MYOF: variants seen among roughly 807,000 people sequenced by gnomAD.
The protein encoded by MYOF is fer-1-like 3, myoferlin.
In MYOF, 244 loss-of-function variants were observed where a neutral mutation model predicts 284.2. The ratio of observed to expected loss-of-function variants is 0.86; its 90% confidence interval spans 0.77 to 0.95. MYOF has a LOEUF of 0.95. Ranked by LOEUF, MYOF falls within the 40% of genes least tolerant of loss-of-function variation. The probability of loss-of-function intolerance (pLI) is 0.00; values close to 1 mark genes in which losing one functional copy is unlikely to be tolerated. For synonymous variants in MYOF, 904 were observed against 919.7 expected (o/e 0.98, Z 0.31); for missense variants, 2,496 against 2,560.6 (o/e 0.97, Z 0.54).
At chr10:93,454,778 G>C (rs958998773) in intron 2 of MYOF, among the ~76,000 whole-genome samples, 14 of 152,038 alleles carry the variant, frequency 9.2e-5, no homozygotes, top group African/African-American at 2.9e-4. Flanking sequence ...AGGAACTCAA[G>C]ACCAGCCTGG....
intron 7 of MYOF, among the ~76,000 whole-genome samples, chr10:93,406,846 G>GAA (rs141353253): frequency 2.0e-5 from 3 of 148,282 alleles, no homozygotes; most frequent in Admixed American, 6.7e-5. Context: ...AAAGAAGTAG[G>GAA]AAAAAAAAAA....
intron 7 of MYOF, among the ~76,000 whole-genome samples, chr10:93,404,641 CAAAAAAAAAAA>C (rs34398757): frequency 3.3e-5 from 2 of 60,916 alleles, no homozygotes; most frequent in Non-Finnish European, 3.8e-5. Flanking sequence ...GAGGCCATCT[CAAAAAAAAAAA>C]AAAAAAAAAA....
chr10:93,344,726 T>TAAAAAAA (rs3081452), intron 37 of MYOF, among the ~76,000 whole-genome samples: 1 of 76,230 alleles, frequency 1.3e-5, no homozygotes, highest in Non-Finnish European at 2.6e-5. Flanking sequence ...GAACTTAAAT[T>TAAAAAAA]AAAAAAAAAA....
At chr10:93,379,255 T>C (rs1438188918) in intron 21 of MYOF, among the ~76,000 whole-genome samples, 1 of 152,202 alleles carries the variant, frequency 6.6e-6, no homozygotes, top group Non-Finnish European at 1.5e-5. Context: ...AGATTTCCAC[T>C]GCAAAGTTCT....
intron 26 of MYOF, among the ~76,000 whole-genome samples, chr10:93,365,007 A>T (rs181304789): frequency 6.6e-6 from 1 of 151,870 alleles, no homozygotes; most frequent in Non-Finnish European, 1.5e-5. Context: ...CAATTTCCCT[A>T]CCCTTTCCCT....
At chr10:93,313,592 C>A (rs947154190) in intron 50 of MYOF, among the ~76,000 whole-genome samples, 5 of 152,062 alleles carry the variant, frequency 3.3e-5, no homozygotes, top group South Asian at 2.1e-4. Context: ...TGGGTAAAGA[C>A]AATAGGTGCT....
Position 93,329,787 on chromosome 10 carries a change from AT to A in MYOF, c.4858del (p.Ile1620PhefsTer15). ...CYLPQEKDLK[I>X]SVYDYDTFTR... ...AAAGGTGTCATAATCATAGACAGAA[AT>A]TTTCAGGTCTTTTTCTTGAGGTAAG... On this transcript the variant is annotated frameshift_variant, in exon 44 of 54. Coordinates refer to ENST00000359263, the MANE Select transcript of MYOF (RefSeq NM_013451.4). LOFTEE classifies it high-confidence loss of function. 1 of 1,614,204 alleles carries A rather than the reference AT, an allele frequency of 6.2e-7. No homozygotes were observed. The highest frequency in any genetic ancestry group is 8.5e-7 in the Non-Finnish European group (1 of 1,180,036).
intron 27 of MYOF, among the ~76,000 whole-genome samples, chr10:93,362,221 T>G (rs1845108253): frequency 6.7e-6 from 1 of 150,122 alleles, no homozygotes; most frequent in Admixed American, 6.7e-5. Context: ...GTGCTGGGAT[T>G]ACAGGCGTGA....
rs1294113190 is a variant in MYOF, at chr10:93,427,214, A to AAC, written c.346-1057_346-1056insGT. Among the ~76,000 whole-genome samples, 210 of 103,626 alleles carry AAC rather than the reference A, an allele frequency of 2.0e-3. 5 individuals are homozygous for AAC. The highest frequency in any genetic ancestry group is 6.8e-3 in the African/African-American group (206 of 30,112). The allele number at this position is 103,626 out of a possible 152,430, so 68.0% of individuals were successfully genotyped here. A position where few individuals can be genotyped will look rare whatever the true frequency, so the allele number is the denominator to read the frequency against. On this transcript the variant is annotated intron_variant, in intron 4 of 53. Transcript: ENST00000359263. ...CTCTGTCTTAAAACAAAACAAAACA[A>AAC]AACAAAAAAAAACAGAGAGAACTTT...
chr10:93,309,751 C>T (rs979398958), intron 53 of MYOF, among the ~76,000 whole-genome samples: 7 of 152,054 alleles, frequency 4.6e-5, no homozygotes, highest in East Asian at 1.9e-4. Context: ...ACACACTGAC[C>T]GAGACCTGAG....
At chr10:93,368,075 C>T (rs1334042154) in intron 25 of MYOF, among the ~76,000 whole-genome samples, 1 of 151,912 alleles carries the variant, frequency 6.6e-6, no homozygotes, top group Admixed American at 6.5e-5. Context: ...CTGCTTTCTC[C>T]AGTTTAGACC....
chr10:93,468,641 A>T (rs1208265678), intron 1 of MYOF, among the ~76,000 whole-genome samples: 1 of 152,238 alleles, frequency 6.6e-6, no homozygotes, highest in Non-Finnish European at 1.5e-5. Flanking sequence ...ATTTAACCTC[A>T]GCTTCAGACC....
At chr10:93,404,517 A>T (rs1365376147) in intron 7 of MYOF, among the ~76,000 whole-genome samples, 1 of 152,114 alleles carries the variant, frequency 6.6e-6, no homozygotes, top group African/African-American at 2.4e-5. Flanking sequence ...TAATGTAAAG[A>T]TCCAAAGCTA....
rs372746129 is a variant in MYOF, at chr10:93,409,565, G to T, written c.600+8C>A. 6.2e-7 allele frequency: 1 copy of T among 1,610,600 alleles called. No individual in the cohort carries two copies. Among genetic ancestry groups the T allele is most frequent in the African/African-American group, 1.3e-5 (1 of 74,812 alleles). On this transcript the variant is annotated splice_region_variant and intron_variant, in intron 6 of 53. Transcript: ENST00000359263. Reference sequence around the variant, plus strand: ...AAACAAAGAAGCAGAACGCCAGGCCGTTGCTACCTGGAAGTCCTGTGGCTT... The same window carrying T: ...AAACAAAGAAGCAGAACGCCAGGCCTTTGCTACCTGGAAGTCCTGTGGCTT...
At chr10:93,428,093 A>G (rs760355863) in intron 4 of MYOF, among the ~76,000 whole-genome samples, 1 of 151,870 alleles carries the variant, frequency 6.6e-6, no homozygotes, top group Non-Finnish European at 1.5e-5. Flanking sequence ...ACACACACAC[A>G]TATGCACACA....
intron 21 of MYOF, among the ~76,000 whole-genome samples, chr10:93,378,575 T>A (rs1845949843): frequency 6.6e-6 from 1 of 151,348 alleles, no homozygotes; most frequent in South Asian, 2.1e-4. Context: ...ATTAGATCTT[T>A]AAAAAATTAA....
At chr10:93,467,085 G>A (rs2057026447) in intron 1 of MYOF, among the ~76,000 whole-genome samples, 2 of 152,124 alleles carry the variant, frequency 1.3e-5, no homozygotes, top group Non-Finnish European at 2.9e-5. Flanking sequence ...TGACTTGCCC[G>A]AGATCATAGA....
At chr10:93,325,420 G>C (rs1468817668) in intron 46 of MYOF, among the ~76,000 whole-genome samples, 3 of 152,134 alleles carry the variant, frequency 2.0e-5, no homozygotes, top group African/African-American at 2.4e-5. Context: ...TGGTCCCATG[G>C]TGGGCAAAGG....
At chr10:93,364,744 A>G (rs1845248338) in intron 26 of MYOF, among the ~76,000 whole-genome samples, 1 of 152,104 alleles carries the variant, frequency 6.6e-6, no homozygotes, top group South Asian at 2.1e-4. Flanking sequence ...TCCAACTTTG[A>G]CTCAAGTCTT....
Sources: gnomAD v4.1 joint callset for allele counts (sites outside exome capture counted in the v4.1 genomes callset) on GRCh38, gnomAD v4.1.1 for gene constraint, MANE v1.5 for transcripts, NCBI Gene and HGNC (gene_info 2026-07-23, HGNC 2026-07-21) for gene names.